Variants in LDHA observed in about 807,000 individuals in gnomAD.
The protein encoded by LDHA is L-lactate dehydrogenase A chain.
In LDHA, 10 loss-of-function variants were observed where a neutral mutation model predicts 36.3. The ratio of observed to expected loss-of-function variants is 0.28; its 90% CI spans 0.17 to 0.47. The LOEUF is 0.47. Ranked by LOEUF, LDHA falls within the 20% of genes least tolerant of loss-of-function variation. The pLI is 0.99. For missense variants in LDHA, 267 were observed against 405.8 expected, an observed-to-expected ratio of 0.66 and a Z score of 2.94; for synonymous variants, 110 against 136.7, an observed-to-expected ratio of 0.80 and a Z score of 1.36.
chr11:18,407,960 CAG>C lies in LDHA; in HGVS notation c.*680_*681del, dbSNP rs1400323708. On this transcript the variant is annotated 3_prime_UTR_variant, in exon 8 of 8. Coordinates refer to ENST00000422447, the MANE Select transcript of LDHA (RefSeq NM_005566.4). The stretch of plus-strand genomic sequence containing the variant: ...GCAACCCTGCAACGATTTTTTCTAA[CAG>C]GGATATTATTGACTAATAGCAGAGG... 6 of 453,938 alleles carry C rather than the reference CAG, an allele frequency of 1.3e-5. No homozygotes were observed. The highest frequency in any genetic ancestry group is 2.0e-5 in the African/African-American group (1 of 49,982). The allele number at this position is 453,938 out of a possible 1,614,324, so 28.1% of individuals were successfully genotyped here. A position where few individuals can be genotyped will look rare whatever the true frequency, so the allele number is the denominator to read the frequency against.
At chr11:18,405,961 T>A (rs1866667799) in intron 7 of LDHA, among the ~76,000 whole-genome samples, 1 of 152,196 alleles carries the variant, frequency 6.6e-6, no homozygotes, top group Admixed American at 6.5e-5. Flanking sequence ...AAGGAATTTC[T>A]ACTTATCAAA....
Position 18,404,140 on chromosome 11 carries a change from C to CA in LDHA, c.710+339dup, listed in dbSNP as rs56261949. Reference sequence around the variant, plus strand: ...AGAGATGGGGTTTCACCATGTTAGCCAAAAAAAAAAGAATGTGCCTCACCT... The same window carrying CA: ...AGAGATGGGGTTTCACCATGTTAGCCAAAAAAAAAAAGAATGTGCCTCACCT... On this transcript the variant is annotated intron_variant, in intron 6 of 7. Transcript: ENST00000422447. Among the ~76,000 whole-genome samples, 96,919 of 149,190 alleles carry CA rather than the reference C, an allele frequency of 0.65. 32,158 individuals are homozygous for CA. Among genetic ancestry groups the CA allele is most frequent in the South Asian group, 0.76 (3,608 of 4,770 alleles).
Position 18,407,588 on chromosome 11 carries a change from T to C in LDHA, c.*307T>C, listed in dbSNP as rs1416191139. On this transcript the variant is annotated 3_prime_UTR_variant, in exon 8 of 8. Transcript: ENST00000422447. ...TTTGCCCCTTGAGCCAGGTGGATGT[T>C]TACCGTGTGTTATATAACTTCCTGG... The C allele has an allele frequency of 1.5e-6, 1 of 675,752 alleles. No individual in the cohort carries two copies. Among genetic ancestry groups the C allele is most frequent in the Non-Finnish European group, 2.7e-6 (1 of 370,618 alleles). The allele number at this position is 675,752 out of a possible 1,614,324, so 41.9% of individuals were successfully genotyped here.
chr11:18,404,041 C>T lies in LDHA; in HGVS notation c.710+230C>T, dbSNP rs560891872. On this transcript the variant is annotated intron_variant, in intron 6 of 7. Transcript: ENST00000422447. ...TGCCTCCCGGGTTCAGGCGATTCTC[C>T]TGCCTCAGCCTCCTGGGTACCTGGG... Among the ~76,000 whole-genome samples, 259 of 152,262 alleles carry T rather than the reference C, an allele frequency of 1.7e-3. 2 individuals carry two copies. Among genetic ancestry groups the T allele is most frequent in the African/African-American group, 5.8e-3 (240 of 41,544 alleles).
At chr11:18,395,062 TG>T (rs949335994) in intron 1 of LDHA, 3 of 202,060 alleles carry the variant, frequency 1.5e-5, no homozygotes, top group Admixed American at 1.1e-4. Context: ...GGCGGGTTCT[TG>T]AAAGACGGAA....
chr11:18,405,794 G>A (rs1302798770), intron 7 of LDHA: 3 of 487,524 alleles, frequency 6.2e-6, no homozygotes, highest in Non-Finnish European at 1.1e-5. Context: ...CTACAAAAAA[G>A]TCTTGTTCAA....
chr11:18,403,850 A>G (rs1866582595), intron 6 of LDHA, 39 bp downstream of exon 6: 1 of 1,108,864 alleles, frequency 9.0e-7, no homozygotes. Context: ...GAATATTAAC[A>G]TTTACTATTT....
rs1866768821 is a variant in LDHA, at chr11:18,408,086, T to C, written c.*805T>C. 8.8e-6 allele frequency: 4 copies of C among 453,902 alleles called. No homozygotes were observed. Among genetic ancestry groups the C allele is most frequent in the Non-Finnish European group, 1.8e-5 (4 of 226,752 alleles). The allele number at this position is 453,902 out of a possible 1,614,324, so 28.1% of individuals were successfully genotyped here. A position where few individuals can be genotyped will look rare whatever the true frequency, so the allele number is the denominator to read the frequency against. On this transcript the variant is annotated 3_prime_UTR_variant, in exon 8 of 8. Transcript: ENST00000422447. ...TGCTAATCATAATTGGAAAGTAACA[T>C]TCTATATGTAAATGTAAAATTTATT...
chr11:18,396,214 G>A (rs140155918), intron 1 of LDHA: 191 of 274,416 alleles, frequency 7.0e-4, no homozygotes, highest in African/African-American at 3.6e-3. Context: ...CCTGCGCGCT[G>A]TAATGCGCAT....
Position 18,406,865 on chromosome 11 carries a change from T to C in LDHA, c.835-252T>C, listed in dbSNP as rs974958985. The C allele has an allele frequency of 3.6e-5, 14 of 390,646 alleles. No individual in the cohort carries two copies. In the East Asian group the frequency reaches 7.8e-4, roughly 22 times the overall value. The allele number at this position is 390,646 out of a possible 1,614,324, so 24.2% of individuals were successfully genotyped here. The stretch of plus-strand genomic sequence containing the variant: ...CCCATCTGTACTAAACATACAAAAA[T>C]TAGCCAAGTGTGGTGGCGCACGCCT... On this transcript the variant is annotated intron_variant, in intron 7 of 7. Coordinates refer to ENST00000422447, the MANE Select transcript of LDHA (RefSeq NM_005566.4).
intron 3 of LDHA, 180 bp from the exon 4 acceptor site, chr11:18,400,657 T>G: frequency 1.5e-6 from 1 of 680,262 alleles, no homozygotes; most frequent in Non-Finnish European, 2.7e-6. Context: ...TACATAAAGT[T>G]ACAACTTGAC....
rs1046158630 is a variant in LDHA, at chr11:18,400,668, T to C, written c.245-169T>C. ...TAGTTACATAAAGTTACAACTTGAC[T>C]AAAACTACAAGGAAGATGTTGACAT... On this transcript the variant is annotated intron_variant, in intron 3 of 7. Transcript: ENST00000422447. 3 of 687,414 alleles carry C rather than the reference T, an allele frequency of 4.4e-6. No individual in the cohort carries two copies. In the African/African-American group the frequency reaches 5.3e-5, roughly 12 times the overall value. 42.6% of individuals were successfully genotyped at this position (687,414 alleles called of 1,614,324 possible). A position where few individuals can be genotyped will look rare whatever the true frequency, so the allele number is the denominator to read the frequency against.
At chr11:18,394,924 A>G (rs1254638600) in intron 1 of LDHA, 1 of 350,018 alleles carries the variant, frequency 2.9e-6, no homozygotes, top group Non-Finnish European at 5.7e-6. Flanking sequence ...GCCCGGGTGG[A>G]TGCGGAACAA....
chr11:18,399,636 CAGT>C (rs1866413011), intron 3 of LDHA, 88 bp downstream of exon 3: 1 of 985,054 alleles, frequency 1.0e-6, no homozygotes, highest in African/African-American at 1.6e-5. Context: ...GGGTAGAGTG[CAGT>C]TGCACAATTA....
intron 5 of LDHA, 31 bp downstream of exon 5, chr11:18,403,044 GA>G: frequency 1.1e-5 from 17 of 1,576,012 alleles, no homozygotes; most frequent in Non-Finnish European, 1.5e-5. Context: ...TTTTGTTTTT[GA>G]AAAGATTATA....
chr11:18,397,442 TTG>T (rs1866340724), intron 2 of LDHA: 1 of 154,308 alleles, frequency 6.5e-6, no homozygotes, highest in African/African-American at 2.4e-5. Flanking sequence ...AAAAAAGAAA[TTG>T]TGAGTAAAGC....
chr11:18,405,721 T>C, intron 7 of LDHA, 149 bp downstream of exon 7: 1 of 841,004 alleles, frequency 1.2e-6, no homozygotes, highest in Non-Finnish European at 1.9e-6. Flanking sequence ...TTGAAAGAAA[T>C]GGTTGAGCTT....
At chr11:18,403,444 C>A (rs1453901607) in intron 5 of LDHA, among the ~76,000 whole-genome samples, 1 of 152,112 alleles carries the variant, frequency 6.6e-6, no homozygotes, top group African/African-American at 2.4e-5. Flanking sequence ...CTTTATATTT[C>A]AAATATACAT....
At chr11:18,406,507 AGT>A (rs1159549256) in intron 7 of LDHA, 2 of 151,690 alleles carry the variant, frequency 1.3e-5, no homozygotes, top group African/African-American at 2.4e-5. Context: ...ACCTGAGGTC[AGT>A]AGTTCAAGAC....
Sources: gnomAD v4.1 joint callset for allele counts (sites outside exome capture counted in the v4.1 genomes callset) on GRCh38, gnomAD v4.1.1 for gene constraint, MANE v1.5 for transcripts, NCBI Gene and HGNC (gene_info 2026-07-23, HGNC 2026-07-21) for gene names.